Variants in AGAP1 observed in about 807,000 individuals in gnomAD.
The protein encoded by AGAP1 is arf-GAP with GTPase, ANK repeat and PH domain-containing protein 1.
Under a neutral mutation model 105.3 loss-of-function variants are expected in AGAP1, and 29 were observed. The observed-to-expected ratio is 0.28, with a 90% CI of 0.21 to 0.38. AGAP1 has a LOEUF of 0.38. Among genes scored for constraint, AGAP1 ranks in the 10% least tolerant of loss-of-function variants. The pLI, the probability that AGAP1 is intolerant of heterozygous loss-of-function variation, is 1.00. For synonymous variants in AGAP1, 509 were observed against 485.9 expected (o/e 1.05, Z -0.63); for missense variants, 998 against 1,165.1 (o/e 0.86, Z 2.09).
At chr2:235,634,556 A>T (rs925758734) in intron 1 of AGAP1, among the ~76,000 whole-genome samples, 6 of 152,182 alleles carry the variant, frequency 3.9e-5, no homozygotes, top group Non-Finnish European at 5.9e-5. Context: ...TAATCAGTTC[A>T]GCCACCTGTA....
At chr2:236,019,881 G>A (rs1352614245) in intron 13 of AGAP1, among the ~76,000 whole-genome samples, 2 of 152,202 alleles carry the variant, frequency 1.3e-5, no homozygotes, top group Admixed American at 6.5e-5. Flanking sequence ...CAAATGCCCC[G>A]GCAGTCTCCC....
intron 9 of AGAP1, chr2:235,853,012 A>T: frequency 8.0e-7 from 1 of 1,247,080 alleles, no homozygotes; most frequent in East Asian, 3.2e-5. Context: ...TCCTCCAGAA[A>T]GTTCGGCAAC....
At position 236,113,822 on chromosome 2, in the gene AGAP1, C is replaced by T. The variant is rs2059708655; in HGVS notation, c.2115-6370C>T. On this transcript the variant is annotated intron_variant, in intron 16 of 17. Coordinates refer to ENST00000304032, the MANE Select transcript of AGAP1 (RefSeq NM_001037131.3). The surrounding 1 kb of genome is among the most constrained non-coding windows in gnomAD (Gnocchi z 4.3). The stretch of plus-strand genomic sequence containing the variant: ...GATTCCTATGTCCTGTGCTCAGTGC[C>T]TGGCTGTCCCTGTGGATGGCTTCCT... Among the ~76,000 whole-genome samples the T allele has an allele frequency of 6.6e-6, 1 of 152,208 alleles. No homozygotes were observed. The highest frequency in any genetic ancestry group is 6.5e-5 in the Admixed American group (1 of 15,288).
At chr2:235,912,386 A>G (rs539034505) in intron 11 of AGAP1, among the ~76,000 whole-genome samples, 2 of 152,342 alleles carry the variant, frequency 1.3e-5, no homozygotes, top group Admixed American at 6.5e-5. Flanking sequence ...AGCTAAAAAT[A>G]GGTATTAGAG....
chr2:235,558,355 T>G (rs1407305226), intron 1 of AGAP1, among the ~76,000 whole-genome samples: 1 of 152,096 alleles, frequency 6.6e-6, no homozygotes, highest in Non-Finnish European at 1.5e-5. Context: ...CTGTGTGTCT[T>G]TCTTGGTTTT....
At chr2:235,946,741 A>G (rs971696871) in intron 12 of AGAP1, among the ~76,000 whole-genome samples, 2 of 152,100 alleles carry the variant, frequency 1.3e-5, no homozygotes, top group African/African-American at 4.8e-5. Context: ...GGCCATTGAA[A>G]TCGCCAGGCG....
chr2:235,806,481 G>T (rs1957839687), intron 8 of AGAP1, among the ~76,000 whole-genome samples: 1 of 152,114 alleles, frequency 6.6e-6, no homozygotes, highest in Admixed American at 6.5e-5. Context: ...TGCGCTTTTG[G>T]TTGGGGCTTC....
rs1042565462 is a variant in AGAP1 at position 235,865,240 on chromosome 2, C to T, written c.1051-18105C>T. Among the ~76,000 whole-genome samples the T allele has an allele frequency of 5.9e-5, 9 of 152,204 alleles. No individual in the cohort carries two copies. Among genetic ancestry groups the T allele is most frequent in the South Asian group, 2.1e-4 (1 of 4,824 alleles). On this transcript the variant is annotated intron_variant, in intron 9 of 17. Transcript: ENST00000304032. This position sits in a 1 kb window ranked among gnomAD's most constrained non-coding sequence, Gnocchi z 6.2. ...GATTTGTGGGTGATTAGCTCCTGGCCGAATCCAGTCCCGGCCGGCGCTTTG... is the reference window on the plus strand; with the variant it reads ...GATTTGTGGGTGATTAGCTCCTGGCTGAATCCAGTCCCGGCCGGCGCTTTG...
At chr2:235,922,215 C>G (rs565190940) in intron 11 of AGAP1, among the ~76,000 whole-genome samples, 1 of 152,306 alleles carries the variant, frequency 6.6e-6, no homozygotes, top group Non-Finnish European at 1.5e-5. Context: ...CTGGATGTTT[C>G]TAAGGGTGAA....
intron 9 of AGAP1, among the ~76,000 whole-genome samples, chr2:235,814,681 G>C (rs1958349731): frequency 6.6e-6 from 1 of 152,178 alleles, no homozygotes; most frequent in Non-Finnish European, 1.5e-5. Flanking sequence ...AGTTAGACAG[G>C]AGAGGGTGAG....
intron 1 of AGAP1, among the ~76,000 whole-genome samples, chr2:235,658,263 C>A (rs1344425796): frequency 6.6e-6 from 1 of 152,114 alleles, no homozygotes; most frequent in Non-Finnish European, 1.5e-5. Context: ...AAAATGTCTT[C>A]TATTACCAGC....
intron 16 of AGAP1, among the ~76,000 whole-genome samples, chr2:236,094,003 TAAC>T (rs2059127826): frequency 6.6e-6 from 1 of 152,172 alleles, no homozygotes; most frequent in African/African-American, 2.4e-5. Context: ...CCAGGTGTAC[TAAC>T]AACAGTCATA....
rs1254278864 is a variant in AGAP1, at chr2:235,513,365, A to G, written c.163+18516A>G. 2.0e-5 allele frequency among the ~76,000 whole-genome samples: 3 copies of G among 152,076 alleles called. No individual in the cohort carries two copies. The East Asian group carries it at 5.8e-4, about 29-fold the overall frequency. The stretch of plus-strand genomic sequence containing the variant: ...GTGAAACCCCGTCTCTACTAAAAAT[A>G]CAAAAATTAGCCAGTAGTGGTGGCA... On this transcript the variant is annotated intron_variant, in intron 1 of 17. Transcript: ENST00000304032.
In AGAP1 at chr2:235,610,411, G is replaced by A. The variant is rs1946087418; in HGVS notation, c.164-98768G>A. Among the ~76,000 whole-genome samples, 1 of 152,130 alleles carries A rather than the reference G, an allele frequency of 6.6e-6. No individual in the cohort carries two copies. The highest frequency in any genetic ancestry group is 2.4e-5 in the African/African-American group (1 of 41,432). ...CTAGAGGCTGGAAGTCCAAGATCAG[G>A]GTGCTGGCATGGTTGGACTCTGGAG... is the stretch of plus-strand genomic sequence containing the variant. On this transcript the variant is annotated intron_variant, in intron 1 of 17. Coordinates refer to ENST00000304032, the MANE Select transcript of AGAP1 (RefSeq NM_001037131.3). The surrounding 1 kb of genome is among the most constrained non-coding windows in gnomAD (Gnocchi z 4.9).
At chr2:236,117,395 G>C (rs2059796172) in intron 16 of AGAP1, among the ~76,000 whole-genome samples, 1 of 152,186 alleles carries the variant, frequency 6.6e-6, no homozygotes, top group African/African-American at 2.4e-5. Context: ...TTGCCTATGA[G>C]GTGAGATGTG....
chr2:235,859,674 G>A (rs1337051084), intron 9 of AGAP1, among the ~76,000 whole-genome samples: 7 of 151,716 alleles, frequency 4.6e-5, no homozygotes, highest in Admixed American at 3.9e-4. Context: ...TTATTTTCCC[G>A]AAGGCATTAC....
chr2:236,036,426 G>T lies in AGAP1; in HGVS notation c.1646-135G>T. ...CATGGATTCAAATCTCCGCCGCCGT[G>T]GTTGTCCAGTGCCGTGCGCCTCACC... On this transcript the variant is annotated intron_variant, in intron 13 of 17. Coordinates refer to ENST00000304032, the MANE Select transcript of AGAP1 (RefSeq NM_001037131.3). This position sits in a 1 kb window ranked among gnomAD's most constrained non-coding sequence, Gnocchi z 5.7. The T allele has an allele frequency of 8.5e-7, 1 of 1,170,020 alleles. No individual in the cohort carries two copies. The highest frequency in any genetic ancestry group is 2.3e-5 in the Admixed American group (1 of 44,250). The allele number at this position is 1,170,020 out of a possible 1,614,324, so 72.5% of individuals were successfully genotyped here.
At chr2:235,696,461 G>A (rs7594364) in intron 1 of AGAP1, among the ~76,000 whole-genome samples, 2,785 of 152,230 alleles carry the variant, frequency 0.018, 77 homozygotes, top group African/African-American at 0.063. Flanking sequence ...TGTGAAGGGC[G>A]GGTCGGGTGC....
chr2:235,587,503 G>A (rs1040562421), intron 1 of AGAP1, among the ~76,000 whole-genome samples: 5 of 152,136 alleles, frequency 3.3e-5, no homozygotes, highest in Non-Finnish European at 7.4e-5. Flanking sequence ...TGTAATTCCA[G>A]AACTTTGGGA....
Sources: allele counts gnomAD v4.1 joint callset (sites outside exome capture counted in the v4.1 genomes callset), GRCh38; gene constraint gnomAD v4.1.1; non-coding constraint Gnocchi (gnomAD v3.1); transcripts MANE v1.5; gene names NCBI Gene and HGNC (gene_info 2026-07-23, HGNC 2026-07-21).